FRMPD4: variants seen among roughly 807,000 people sequenced by gnomAD.
FRMPD4 encodes the protein FERM and PDZ domain containing 4.
A neutral mutation model predicts 94.1 loss-of-function variants in FRMPD4; 22 were observed. The observed-to-expected ratio is 0.23, with a 90% CI of 0.17 to 0.33. The LOEUF (loss-of-function observed/expected upper bound fraction) is 0.33, where lower values mean the gene tolerates loss of function less well. Ranked by LOEUF, FRMPD4 falls within the 10% of genes least tolerant of loss-of-function variation. The pLI is 1.00. For synonymous variants in FRMPD4, 631 were observed against 548.6 expected (o/e 1.15, Z -2.10); for missense variants, 1,111 against 1,339.9 (o/e 0.83, Z 2.67).
intron 3 of FRMPD4, among the ~76,000 whole-genome samples, chrX:11,973,245 A>AT (rs1012709790): frequency 2.7e-5 from 3 of 112,621 alleles, no homozygotes; most frequent in Non-Finnish European, 5.6e-5. Context: ...TAAAGAAATC[A>AT]TTTTTTATGT....
intron 3 of FRMPD4, among the ~76,000 whole-genome samples, chrX:12,065,698 C>A (rs934016181): frequency 8.9e-6 from 1 of 112,063 alleles, no homozygotes; most frequent in Non-Finnish European, 1.9e-5. Context: ...CAAAGTATTC[C>A]CTAAATACTA....
chrX:11,904,948 G>T (rs181882497), intron 3 of FRMPD4, among the ~76,000 whole-genome samples: 199 of 112,170 alleles, frequency 1.8e-3, no homozygotes, highest in African/African-American at 6.2e-3. Context: ...TATCCACAAG[G>T]GCATTTCCCC....
Position 12,675,635 on chromosome X carries a change from G to A in FRMPD4, c.468+727G>A, listed in dbSNP as rs138666605. On this transcript the variant is annotated intron_variant, in intron 5 of 16. Coordinates refer to ENST00000675598, the MANE Select transcript of FRMPD4 (RefSeq NM_001368397.1). ...TTGCCACACTCAGTCCTAGGCAACC[G>A]CTAATTTCCTTTCTATTTGTATAGA... is the stretch of plus-strand genomic sequence containing the variant. 3.6e-3 allele frequency among the ~76,000 whole-genome samples: 404 copies of A among 111,157 alleles called. 3 individuals are homozygous for A. The highest frequency in any genetic ancestry group is 0.018 in the Middle Eastern group (4 of 219).
chrX:12,363,177 G>T (rs193296524), intron 1 of FRMPD4, among the ~76,000 whole-genome samples: 1,589 of 112,184 alleles, frequency 0.014, 24 homozygotes, highest in African/African-American at 0.048. Flanking sequence ...TCTGATGGTA[G>T]TTTCTTTTGC....
At chrX:12,416,589 G>C (rs1233976825) in intron 1 of FRMPD4, among the ~76,000 whole-genome samples, 2 of 112,141 alleles carry the variant, frequency 1.8e-5, no homozygotes, top group Non-Finnish European at 3.8e-5. Context: ...ATTTTCATAA[G>C]ACTCAATTCC....
chrX:12,397,648 T>C (rs908289110), intron 1 of FRMPD4, among the ~76,000 whole-genome samples: 11 of 111,521 alleles, frequency 9.9e-5, no homozygotes, highest in African/African-American at 3.3e-4. Context: ...TAAGTGGCCA[T>C]AGGCAAATAG....
At chrX:12,125,089 T>C (rs1221533500) in intron 3 of FRMPD4, among the ~76,000 whole-genome samples, 2 of 112,054 alleles carry the variant, frequency 1.8e-5, no homozygotes, top group Non-Finnish European at 3.8e-5. Flanking sequence ...CATGGCAATC[T>C]TGAGAGAATG....
chrX:12,003,421 G>T (rs1569140679), intron 3 of FRMPD4, among the ~76,000 whole-genome samples: 1 of 110,476 alleles, frequency 9.1e-6, no homozygotes, highest in Non-Finnish European at 1.9e-5. Flanking sequence ...GTGTGTTTGT[G>T]TGTATTTTTT....
intron 1 of FRMPD4, among the ~76,000 whole-genome samples, chrX:12,204,238 G>C (rs1023851567): frequency 8.9e-6 from 1 of 112,041 alleles, no homozygotes; most frequent in Non-Finnish European, 1.9e-5. Context: ...CAATGCACAG[G>C]GCAGCCCCCA....
At chrX:12,671,953 C>A (rs1649055303) in intron 4 of FRMPD4, among the ~76,000 whole-genome samples, 2 of 111,463 alleles carry the variant, frequency 1.8e-5, no homozygotes, top group Non-Finnish European at 3.8e-5. Flanking sequence ...CACTTGTAAT[C>A]ACAATTAACA....
chrX:11,967,756 G>GTGTGTGTGTGT (rs36019385), intron 3 of FRMPD4, among the ~76,000 whole-genome samples: 1 of 65,569 alleles, frequency 1.5e-5, no homozygotes, highest in Non-Finnish European at 2.8e-5. Context: ...GTGTGTGTGT[G>GTGTGTGTGTGT]TTTTTTTTTT....
intron 3 of FRMPD4, among the ~76,000 whole-genome samples, chrX:12,112,326 C>A (rs994225297): frequency 1.9e-4 from 21 of 111,038 alleles, no homozygotes; most frequent in Non-Finnish European, 3.6e-4. Flanking sequence ...GACAGAAAAC[C>A]AAACACCGCA....
chrX:12,415,988 A>T (rs2056795325), intron 1 of FRMPD4, among the ~76,000 whole-genome samples: 1 of 112,397 alleles, frequency 8.9e-6, no homozygotes, highest in African/African-American at 3.2e-5. Flanking sequence ...AGCACATAAG[A>T]TAATTTTAAA....
chrX:12,561,970 T>G (rs909917610), intron 2 of FRMPD4, among the ~76,000 whole-genome samples: 3 of 112,377 alleles, frequency 2.7e-5, no homozygotes. Flanking sequence ...CTGGGGAGAT[T>G]TTTTTCTGCT....
At chrX:12,671,348 A>G (rs1424621995) in intron 4 of FRMPD4, among the ~76,000 whole-genome samples, 2 of 112,132 alleles carry the variant, frequency 1.8e-5, no homozygotes, top group East Asian at 2.8e-4. Flanking sequence ...ATGCCCATCA[A>G]TGATAGACTG....
At chrX:12,475,307 G>A (rs750762927) in intron 1 of FRMPD4, among the ~76,000 whole-genome samples, 2 of 111,934 alleles carry the variant, frequency 1.8e-5, no homozygotes, top group East Asian at 2.8e-4. Context: ...TTGATGGGAC[G>A]TATCTCAAAA....
chrX:12,392,759 T>C (rs180965235), intron 1 of FRMPD4, among the ~76,000 whole-genome samples: 1 of 111,949 alleles, frequency 8.9e-6, no homozygotes, highest in Non-Finnish European at 1.9e-5. Flanking sequence ...GGTCTAAGTG[T>C]CTGCATTATT....
At chrX:12,211,782 A>G (rs2056757621) in intron 1 of FRMPD4, among the ~76,000 whole-genome samples, 2 of 112,331 alleles carry the variant, frequency 1.8e-5, no homozygotes, top group Admixed American at 1.9e-4. Context: ...CCAAGCATTT[A>G]AAAGTACTCT....
chrX:11,951,883 A>C (rs1405635530), intron 3 of FRMPD4, among the ~76,000 whole-genome samples: 1 of 111,259 alleles, frequency 9.0e-6, no homozygotes, highest in Non-Finnish European at 1.9e-5. Flanking sequence ...ACAACAACAA[A>C]AAATTAGCCT....
Sources: allele counts gnomAD v4.1 joint callset (sites outside exome capture counted in the v4.1 genomes callset), GRCh38; gene constraint gnomAD v4.1.1; transcripts MANE v1.5; gene names NCBI Gene and HGNC (gene_info 2026-07-23, HGNC 2026-07-21).